ERC2: variants seen among roughly 807,000 people sequenced by gnomAD.
ERC2 encodes ERC protein 2.
In ERC2, 42 loss-of-function variants were observed where a neutral mutation model predicts 114.8. That is an observed-to-expected ratio of 0.37 (90% CI 0.29 to 0.47). ERC2 has a LOEUF of 0.47. Ranked by LOEUF, ERC2 falls within the 20% of genes least tolerant of loss-of-function variation. The probability of loss-of-function intolerance (pLI) is 0.99; values close to 1 mark genes in which losing one functional copy is unlikely to be tolerated. For missense variants in ERC2, 939 were observed against 1,150.7 expected (o/e 0.82, Z 2.66); for synonymous variants, 454 against 425.5 (o/e 1.07, Z -0.82).
At chr3:56,333,979 T>C (rs1046732163) in intron 2 of ERC2, among the ~76,000 whole-genome samples, 2 of 152,206 alleles carry the variant, frequency 1.3e-5, no homozygotes, top group Admixed American at 6.5e-5. Context: ...TGTAATCTTA[T>C]TAATCTTTGA....
intron 14 of ERC2, among the ~76,000 whole-genome samples, chr3:55,857,581 A>C (rs777421487): frequency 6.6e-6 from 1 of 152,216 alleles, no homozygotes; most frequent in Admixed American, 6.5e-5. Flanking sequence ...CCACTAATAC[A>C]GAAAACAAAA....
At chr3:55,517,854 C>G (rs931334940) in intron 17 of ERC2, among the ~76,000 whole-genome samples, 2 of 152,238 alleles carry the variant, frequency 1.3e-5, no homozygotes, top group Admixed American at 6.5e-5. Context: ...ATTAGGTACT[C>G]TATGCACTTT....
chr3:55,974,887 C>G (rs111285585), intron 12 of ERC2, among the ~76,000 whole-genome samples: 23 of 152,272 alleles, frequency 1.5e-4, no homozygotes, highest in African/African-American at 5.5e-4. Flanking sequence ...TTCATCAACG[C>G]CTGGAATCCT....
intron 13 of ERC2, among the ~76,000 whole-genome samples, chr3:55,906,532 C>T (rs563451045): frequency 7.2e-5 from 11 of 152,088 alleles, no homozygotes; most frequent in Non-Finnish European, 1.5e-4. Context: ...CAGCATCCTC[C>T]CATCCCATGT....
intron 6 of ERC2, among the ~76,000 whole-genome samples, chr3:56,099,375 C>A (rs574063718): frequency 2.6e-5 from 4 of 152,332 alleles, no homozygotes; most frequent in African/African-American, 9.6e-5. Context: ...TTCATCCATC[C>A]ACTTACCACT....
At chr3:56,068,265 G>C (rs1206812918) in intron 7 of ERC2, among the ~76,000 whole-genome samples, 1 of 152,034 alleles carries the variant, frequency 6.6e-6, no homozygotes, top group Non-Finnish European at 1.5e-5. Context: ...GTTTAGTCTT[G>C]GGAAGGTGTA....
intron 2 of ERC2, among the ~76,000 whole-genome samples, chr3:56,343,192 T>TCTCTCTCTCTCTCTCTCTCTCACACA (rs1376220124): frequency 7.9e-6 from 1 of 126,130 alleles, no homozygotes; most frequent in African/African-American, 3.0e-5. Context: ...TCTCTCTCTC[T>TCTCTCTCTCTCTCTCTCTCTCACACA]CACACACACA....
At chr3:56,256,868 T>C (rs879555886) in intron 3 of ERC2, among the ~76,000 whole-genome samples, 11 of 152,296 alleles carry the variant, frequency 7.2e-5, no homozygotes, top group Non-Finnish European at 1.2e-4. Flanking sequence ...ACCATGATTA[T>C]AGGTTTCCTG....
At chr3:56,068,492 C>A (rs368450842) in intron 7 of ERC2, among the ~76,000 whole-genome samples, 4 of 152,028 alleles carry the variant, frequency 2.6e-5, no homozygotes, top group African/African-American at 9.6e-5. Context: ...TTCCAAAAAA[C>A]CAGCCCCTGG....
At chr3:56,450,618 G>C (rs1243823136) in intron 1 of ERC2, among the ~76,000 whole-genome samples, 1 of 152,066 alleles carries the variant, frequency 6.6e-6, no homozygotes, top group Non-Finnish European at 1.5e-5. Context: ...CTTCAGGCCA[G>C]GAGTTTGAGA....
At chr3:55,801,897 G>A (rs560779697) in intron 14 of ERC2, among the ~76,000 whole-genome samples, 1 of 152,320 alleles carries the variant, frequency 6.6e-6, no homozygotes, top group East Asian at 1.9e-4. Flanking sequence ...ACACAGACTG[G>A]GAGCCCTGCT....
chr3:56,384,231 G>T (rs1308002399), intron 2 of ERC2, among the ~76,000 whole-genome samples: 1 of 152,100 alleles, frequency 6.6e-6, no homozygotes, highest in African/African-American at 2.4e-5. Flanking sequence ...AAGTGGAATT[G>T]CTGGATCATA....
At position 56,296,207 on chromosome 3, in the gene ERC2, G is replaced by C; in HGVS notation, c.886C>G (p.Gln296Glu). ...EMELRIETQK[Q>E]TLNARDESIK... ...GACTCATCTCGGGCATTGAGGGTTT[G>C]TTTCTGCGTTTCAATTCTCAGCTCC... The change falls in exon 3 of 18, where the codon CAA (glutamine) becomes GAA (glutamate). Residue 296 changes from glutamine (Q) to glutamate (E), a missense_variant. Gln to Glu is a conservative substitution (Grantham distance 29). Transcript: ENST00000288221. 3.1e-6 allele frequency: 5 copies of C among 1,613,986 alleles called. No homozygotes were observed. The highest frequency in any genetic ancestry group is 4.2e-6 in the Non-Finnish European group (5 of 1,179,900).
chr3:55,877,116 C>T (rs2062886459), intron 14 of ERC2, among the ~76,000 whole-genome samples: 1 of 152,176 alleles, frequency 6.6e-6, no homozygotes, highest in Non-Finnish European at 1.5e-5. Context: ...GTTCCTCAAC[C>T]TCAGTACCAC....
chr3:55,684,990 C>T (rs537570160), intron 16 of ERC2, among the ~76,000 whole-genome samples: 228 of 152,236 alleles, frequency 1.5e-3, no homozygotes, highest in Non-Finnish European at 2.5e-3. Context: ...AGGTTGAATC[C>T]TATGAAAATG....
intron 17 of ERC2, among the ~76,000 whole-genome samples, chr3:55,651,768 C>T (rs778162498): frequency 2.6e-5 from 4 of 152,176 alleles, no homozygotes; most frequent in Non-Finnish European, 5.9e-5. Context: ...AGGGGATCAT[C>T]CATTATTCTC....
rs145822124 is a variant in ERC2, at chr3:55,984,240, C to T, written c.2267+1737G>A. On this transcript the variant is annotated intron_variant, in intron 12 of 17. Transcript: ENST00000288221. ...AACCACTGGACATCCATCACCCCTT[C>T]CAGCCCTGTCTTCTGAGAGTCAGAG... Among the ~76,000 whole-genome samples, 342 of 152,226 alleles carry T rather than the reference C, an allele frequency of 2.2e-3. 3 individuals carry two copies. The highest frequency in any genetic ancestry group is 7.9e-3 in the African/African-American group (328 of 41,534).
intron 14 of ERC2, among the ~76,000 whole-genome samples, chr3:55,802,432 T>C (rs902122260): frequency 1.4e-4 from 22 of 152,204 alleles, no homozygotes; most frequent in African/African-American, 5.1e-4. Flanking sequence ...AATGTGGGAA[T>C]GCTATGTCAT....
At chr3:55,746,923 C>T (rs1298237825) in intron 14 of ERC2, among the ~76,000 whole-genome samples, 1 of 152,124 alleles carries the variant, frequency 6.6e-6, no homozygotes, top group Non-Finnish European at 1.5e-5. Flanking sequence ...TTAAGGCATC[C>T]TCAAAGATGC....
Sources: gnomAD v4.1 joint callset for allele counts (sites outside exome capture counted in the v4.1 genomes callset) on GRCh38, gnomAD v4.1.1 for gene constraint, MANE v1.5 for transcripts, NCBI Gene and HGNC (gene_info 2026-07-23, HGNC 2026-07-21) for gene names.